The following TXK variants were observed in gnomAD, a reference collection of about 807,000 sequenced individuals.
TXK encodes tyrosine-protein kinase TXK.
Under a neutral mutation model 81.0 loss-of-function variants are expected in TXK, and 60 were observed. That is an observed-to-expected ratio of 0.74 (90% CI 0.60 to 0.92). The LOEUF (loss-of-function observed/expected upper bound fraction) is 0.92, where lower values mean the gene tolerates loss of function less well. Among genes scored for constraint, TXK ranks in the 40% least tolerant of loss-of-function variants. The pLI is 0.00. For missense variants in TXK, 581 were observed against 638.3 expected (o/e 0.91, Z 0.97); for synonymous variants, 203 against 210.7 (o/e 0.96, Z 0.32).
chr4:48,126,427 G>A (rs1719092675), intron 1 of TXK, among the ~76,000 whole-genome samples: 2 of 152,212 alleles, frequency 1.3e-5, no homozygotes, highest in South Asian at 2.1e-4. Context: ...TCTGGTCAAT[G>A]TTAGGCTATG....
At chr4:48,118,698 G>A (rs1174277379) in intron 1 of TXK, among the ~76,000 whole-genome samples, 1 of 152,124 alleles carries the variant, frequency 6.6e-6, no homozygotes. Context: ...ATGCCATAAA[G>A]CCAGCATCTT....
intron 6 of TXK, among the ~76,000 whole-genome samples, chr4:48,103,868 T>C (rs1432727469): frequency 1.3e-5 from 2 of 152,114 alleles, no homozygotes; most frequent in Non-Finnish European, 2.9e-5. Context: ...AAGTTTATAC[T>C]TGACTGCCTT....
chr4:48,113,161 A>G, intron 3 of TXK, 46 bp downstream of exon 3: 1 of 1,459,250 alleles, frequency 6.9e-7, no homozygotes, highest in Non-Finnish European at 9.6e-7. Context: ...GACTCTAAAA[A>G]GACAACCTTC....
intron 1 of TXK, among the ~76,000 whole-genome samples, chr4:48,125,525 A>G (rs1319008011): frequency 6.6e-6 from 1 of 152,254 alleles, no homozygotes; most frequent in South Asian, 2.1e-4. Context: ...TCCCCCGTTC[A>G]GGACTCCAGG....
At chr4:48,069,714 A>T (rs1009959716) in intron 14 of TXK, among the ~76,000 whole-genome samples, 1 of 152,234 alleles carries the variant, frequency 6.6e-6, no homozygotes, top group Non-Finnish European at 1.5e-5. Flanking sequence ...AATGTTGTTT[A>T]CATGGTCCTT....
chr4:48,096,978 C>G (rs1288268443), intron 6 of TXK, among the ~76,000 whole-genome samples: 1 of 152,000 alleles, frequency 6.6e-6, no homozygotes, highest in African/African-American at 2.4e-5. Context: ...TTACTTATAT[C>G]AACAAGCAAT....
intron 1 of TXK, among the ~76,000 whole-genome samples, chr4:48,125,640 T>C (rs957114593): frequency 2.6e-5 from 4 of 152,230 alleles, no homozygotes; most frequent in Non-Finnish European, 5.9e-5. Flanking sequence ...AAACATGCTG[T>C]ACTGCAGCGC....
Position 48,102,128 on chromosome 4 carries a change from G to A in TXK, c.501+2773C>T, listed in dbSNP as rs746118117. On this transcript the variant is annotated intron_variant, in intron 6 of 14. Transcript: ENST00000264316. ...TGAGTAGCTGGGATTAGAGGCGCCCGCCACCATGCCTGGCTAATTTTTGTA... is the reference window on the plus strand; with the variant it reads ...TGAGTAGCTGGGATTAGAGGCGCCCACCACCATGCCTGGCTAATTTTTGTA... Among the ~76,000 whole-genome samples, 10 of 152,092 alleles carry A rather than the reference G, an allele frequency of 6.6e-5. No individual in the cohort carries two copies. In the East Asian group the frequency reaches 7.7e-4, roughly 12 times the overall value.
chr4:48,073,319 A>G (rs1716937445), intron 13 of TXK, among the ~76,000 whole-genome samples: 1 of 152,106 alleles, frequency 6.6e-6, no homozygotes, highest in Non-Finnish European at 1.5e-5. Flanking sequence ...GGATAGATAG[A>G]TTTTTGCATA....
At chr4:48,095,766 A>G (rs1166961414) in intron 6 of TXK, among the ~76,000 whole-genome samples, 1 of 152,204 alleles carries the variant, frequency 6.6e-6, no homozygotes, top group African/African-American at 2.4e-5. Flanking sequence ...GGGGTATGGG[A>G]AGATAAAAAG....
At chr4:48,126,447 A>C (rs1719093166) in intron 1 of TXK, among the ~76,000 whole-genome samples, 1 of 152,176 alleles carries the variant, frequency 6.6e-6, no homozygotes, top group African/African-American at 2.4e-5. Flanking sequence ...GAGTAGTTAC[A>C]TTTTGGGGAA....
At chr4:48,087,485 G>A (rs1316549969) in intron 9 of TXK, among the ~76,000 whole-genome samples, 1 of 151,572 alleles carries the variant, frequency 6.6e-6, no homozygotes, top group African/African-American at 2.4e-5. Context: ...ACCCAGGCTG[G>A]AGTGCAGTGG....
chr4:48,108,633 ATAT>A (rs1430434696), intron 5 of TXK, among the ~76,000 whole-genome samples: 1 of 152,256 alleles, frequency 6.6e-6, no homozygotes, highest in African/African-American at 2.4e-5. Flanking sequence ...TTTTATCTAC[ATAT>A]TAATAAAGCT....
At chr4:48,090,938 C>T (rs554285055) in intron 8 of TXK, among the ~76,000 whole-genome samples, 1 of 152,190 alleles carries the variant, frequency 6.6e-6, no homozygotes, top group East Asian at 1.9e-4. Context: ...ACGAGCTTGA[C>T]CAGTGTAAGA....
At chr4:48,072,096 C>T (rs903105668) in intron 13 of TXK, among the ~76,000 whole-genome samples, 5 of 151,882 alleles carry the variant, frequency 3.3e-5, no homozygotes, top group South Asian at 2.1e-4. Flanking sequence ...CTCTGTCTCC[C>T]GGGTTCAAGC....
chr4:48,091,026 T>G (rs1717746253), intron 8 of TXK, among the ~76,000 whole-genome samples: 1 of 152,240 alleles, frequency 6.6e-6, no homozygotes, highest in African/African-American at 2.4e-5. Flanking sequence ...TCCAGCAGAT[T>G]CCAAGATGAG....
chr4:48,076,332 A>C, intron 12 of TXK, 70 bp downstream of exon 12: 1 of 1,185,454 alleles, frequency 8.4e-7, no homozygotes, highest in Non-Finnish European at 1.2e-6. Context: ...TTTATCAGTA[A>C]ACAAATGTAA....
chr4:48,127,783 C>T (rs959864484), intron 1 of TXK, among the ~76,000 whole-genome samples: 1 of 152,146 alleles, frequency 6.6e-6, no homozygotes, highest in Non-Finnish European at 1.5e-5. Context: ...GAAACCGGCA[C>T]ATCTGTCATG....
At chr4:48,093,760 A>T (rs574284670) in intron 8 of TXK, among the ~76,000 whole-genome samples, 67 of 152,306 alleles carry the variant, frequency 4.4e-4, no homozygotes, top group African/African-American at 1.4e-3. Flanking sequence ...AGGGTATTTG[A>T]AATCTTATTA....
Sources: allele counts gnomAD v4.1 joint callset (sites outside exome capture counted in the v4.1 genomes callset), GRCh38; gene constraint gnomAD v4.1.1; transcripts MANE v1.5; gene names NCBI Gene and HGNC (gene_info 2026-07-23, HGNC 2026-07-21).